The following ALPK1 variants were observed in gnomAD, a reference collection of about 807,000 sequenced individuals.
The protein encoded by ALPK1 is alpha-protein kinase 1.
A neutral mutation model predicts 120.6 loss-of-function variants in ALPK1; 110 were observed. The observed-to-expected ratio is 0.91, with a 90% CI of 0.78 to 1.07. ALPK1 has a LOEUF of 1.07. Ranked by LOEUF, ALPK1 falls within the 50% of genes least tolerant of loss-of-function variation. The probability of loss-of-function intolerance (pLI) is 0.00; values close to 1 mark genes in which losing one functional copy is unlikely to be tolerated. For synonymous variants in ALPK1, 582 were observed against 560.3 expected (o/e 1.04, Z -0.55); for missense variants, 1,498 against 1,483.9 (o/e 1.01, Z -0.16).
At chr4:112,340,341 G>A (rs1729803814) in intron 2 of ALPK1, among the ~76,000 whole-genome samples, 1 of 152,038 alleles carries the variant, frequency 6.6e-6, no homozygotes, top group Non-Finnish European at 1.5e-5. Flanking sequence ...TGCACGGTGG[G>A]AAACCAAACT....
chr4:112,387,003 G>C (rs1020953674), intron 4 of ALPK1, among the ~76,000 whole-genome samples: 4 of 152,218 alleles, frequency 2.6e-5, no homozygotes, highest in African/African-American at 9.6e-5. Flanking sequence ...AAAGAGAACA[G>C]TAAGGCCCTT....
In ALPK1 at chr4:112,431,148, G is replaced by A; in HGVS notation, c.1601G>A (p.Gly534Glu). ...AATGTTCAGAGGGAACTCAGAAGGG[G>A]AGGAAGGAGAAACTGGACCCATTCT... ...GKNVQRELRR[G>E]GRRNWTHSDA... is the part of the protein sequence containing the mutation. The change falls in exon 11 of 16, where the codon GGA becomes GAA. Residue 534 changes from glycine to glutamate, a missense_variant. Transcript: ENST00000650871. 1.2e-6 allele frequency: 2 copies of A among 1,614,160 alleles called. No homozygotes were observed. The highest frequency in any genetic ancestry group is 1.7e-6 in the Non-Finnish European group (2 of 1,180,046).
intron 4 of ALPK1, among the ~76,000 whole-genome samples, chr4:112,407,600 C>T (rs1733243585): frequency 6.6e-6 from 1 of 152,174 alleles, no homozygotes; most frequent in Non-Finnish European, 1.5e-5. Context: ...GCTTCAGCTT[C>T]CTTTTCTCGT....
intron 1 of ALPK1, among the ~76,000 whole-genome samples, chr4:112,306,220 T>C (rs1728046586): frequency 6.6e-6 from 1 of 152,060 alleles, no homozygotes; most frequent in African/African-American, 2.4e-5. Flanking sequence ...CTTTTTTTGT[T>C]GTGTCTCTGC....
chr4:112,442,451 C>T lies in ALPK1; in HGVS notation c.*1241C>T, dbSNP rs1327549545. 1 of 151,980 alleles carries T rather than the reference C, an allele frequency of 6.6e-6. No homozygotes were observed. The highest frequency in any genetic ancestry group is 1.5e-5 in the Non-Finnish European group (1 of 67,998). 9.4% of individuals were successfully genotyped at this position (151,980 alleles called of 1,614,324 possible). A position where few individuals can be genotyped will look rare whatever the true frequency, so the allele number is the denominator to read the frequency against. On this transcript the variant is annotated 3_prime_UTR_variant, in exon 16 of 16. Transcript: ENST00000650871. ...GGACACATAGAGGGAACAACACACA[C>T]CAGGGCTTATCAGAGGGTGGACAGT...
chr4:112,410,682 G>A (rs768544561), intron 4 of ALPK1, among the ~76,000 whole-genome samples: 32 of 152,140 alleles, frequency 2.1e-4, no homozygotes, highest in Non-Finnish European at 1.0e-4. Flanking sequence ...TACTAGCTAC[G>A]TAACCACTAA....
Position 112,439,759 on chromosome 4 carries a change from CAAAT to C in ALPK1, c.3428_3431del (p.Asn1143ThrfsTer5), listed in dbSNP as rs1734949270. ...ATACTGGGAGAATTTGTAAAATTGT[CAAAT>C]AACACGAAAGTGGTGAAAACAGAAT... On this transcript the variant is annotated frameshift_variant, in exon 14 of 16. Transcript: ENST00000650871. LOFTEE classifies it high-confidence loss of function. 1.9e-6 allele frequency: 3 copies of C among 1,613,424 alleles called. No homozygotes were observed. The highest frequency in any genetic ancestry group is 1.3e-5 in the African/African-American group (1 of 74,900).
At position 112,344,987 on chromosome 4, in the gene ALPK1, A is replaced by G. The variant is rs568625106; in HGVS notation, c.-101+29135A>G. On this transcript the variant is annotated intron_variant, in intron 2 of 15. Coordinates refer to ENST00000650871, the MANE Select transcript of ALPK1 (RefSeq NM_025144.4). ...CGTATTTAAAAAATGTTTAAAGATC[A>G]ATGAAGTTGGAGATTTTCTTTCCCA... is the stretch of plus-strand genomic sequence containing the variant. Among the ~76,000 whole-genome samples, 7 of 152,358 alleles carry G rather than the reference A, an allele frequency of 4.6e-5. No individual in the cohort carries two copies. The South Asian group carries it at 1.4e-3, about 32-fold the overall frequency.
At chr4:112,359,773 C>T in intron 2 of ALPK1, 1 of 422,740 alleles carries the variant, frequency 2.4e-6, no homozygotes. Context: ...CACACTGCCT[C>T]CAGGAAGCAG....
chr4:112,425,879 C>T lies in ALPK1; in HGVS notation c.622+128C>T, dbSNP rs77202449. The stretch of plus-strand genomic sequence containing the variant: ...TTTCCACTTGCCTTAGTTTCCTCAT[C>T]GAAAAGAGAATGGCATTTAAGATCC... On this transcript the variant is annotated intron_variant, in intron 7 of 15. Coordinates refer to ENST00000650871, the MANE Select transcript of ALPK1 (RefSeq NM_025144.4). 9,472 of 649,600 alleles carry T rather than the reference C, an allele frequency of 0.015. 644 individuals carry two copies. The African/African-American group carries it at 0.15, about 10-fold the overall frequency. The allele number at this position is 649,600 out of a possible 1,614,324, so 40.2% of individuals were successfully genotyped here.
rs552263758 is a variant in ALPK1, at chr4:112,386,318, G to A, written c.276+3766G>A. Among the ~76,000 whole-genome samples, 28 of 152,248 alleles carry A rather than the reference G, an allele frequency of 1.8e-4. 1 individual carries two copies. In the South Asian group the frequency reaches 5.8e-3, roughly 32 times the overall value. On this transcript the variant is annotated intron_variant, in intron 4 of 15. Transcript: ENST00000650871. The stretch of plus-strand genomic sequence containing the variant: ...CACTCCACACAAAGCTTGCTGACTT[G>A]AGAGAGTTTGTCCGCGCTCTCCCAG...
chr4:112,358,115 G>T lies in ALPK1; in HGVS notation c.-100-19563G>T. 9 of 600,822 alleles carry T rather than the reference G, an allele frequency of 1.5e-5. 1 individual carries two copies. Among genetic ancestry groups the T allele is most frequent in the Middle Eastern group, 2.8e-4 (1 of 3,572 alleles). The allele number at this position is 600,822 out of a possible 1,614,324, so 37.2% of individuals were successfully genotyped here. The stretch of plus-strand genomic sequence containing the variant: ...CTTAAGATGCGAGATGAAGGGCCAG[G>T]TTGGGGCTGGGGGCCAGTTCCTCTC... On this transcript the variant is annotated intron_variant, in intron 2 of 15. Coordinates refer to ENST00000650871, the MANE Select transcript of ALPK1 (RefSeq NM_025144.4).
chr4:112,420,114 T>C (rs1193469179), intron 5 of ALPK1, among the ~76,000 whole-genome samples: 1 of 152,230 alleles, frequency 6.6e-6, no homozygotes, highest in East Asian at 1.9e-4. Flanking sequence ...TTGTTAGAGG[T>C]ACATGGGACA....
intron 14 of ALPK1, 97 bp from the exon 15 acceptor site, chr4:112,440,820 T>A: frequency 1.3e-6 from 2 of 1,488,406 alleles, no homozygotes; most frequent in South Asian, 2.8e-5. Context: ...TAAGTGTGTG[T>A]GTGTGTGTGT....
chr4:112,378,030 T>G (rs1057473968), intron 3 of ALPK1, 132 bp downstream of exon 3: 8 of 1,079,516 alleles, frequency 7.4e-6, no homozygotes, highest in Non-Finnish European at 8.6e-6. Context: ...ATGAGTGGAT[T>G]TCTAGGGCAT....
At chr4:112,357,681 C>G in intron 2 of ALPK1, 1 of 1,597,380 alleles carries the variant, frequency 6.3e-7, no homozygotes, top group South Asian at 1.1e-5. Context: ...GAGGCCCCGA[C>G]GGAGCCCAGT....
intron 1 of ALPK1, among the ~76,000 whole-genome samples, chr4:112,313,552 A>G (rs990843491): frequency 6.6e-6 from 1 of 152,142 alleles, no homozygotes; most frequent in Non-Finnish European, 1.5e-5. Context: ...GTGAAAACCC[A>G]TCTCTACTAA....
At chr4:112,427,807 G>A (rs1439214113) in intron 9 of ALPK1, 142 bp downstream of exon 9, 1 of 647,564 alleles carries the variant, frequency 1.5e-6, no homozygotes, top group South Asian at 1.8e-5. Context: ...AGGAATCCTG[G>A]GGAGGAGTCT....
chr4:112,408,810 C>T (rs997328848), intron 4 of ALPK1, among the ~76,000 whole-genome samples: 8 of 152,070 alleles, frequency 5.3e-5, no homozygotes, highest in African/African-American at 1.7e-4. Flanking sequence ...TGCATTTTTC[C>T]GATTGATGGT....
Sources: allele counts gnomAD v4.1 joint callset (sites outside exome capture counted in the v4.1 genomes callset), GRCh38; gene constraint gnomAD v4.1.1; transcripts MANE v1.5; gene names NCBI Gene and HGNC (gene_info 2026-07-23, HGNC 2026-07-21).